The following RAD51C variants were observed in gnomAD, a reference collection of about 807,000 sequenced individuals.
RAD51C encodes DNA repair protein RAD51 homolog 3.
A neutral mutation model predicts 45.0 loss-of-function variants in RAD51C; 42 were observed. That is an observed-to-expected ratio of 0.93 (90% CI 0.73 to 1.21). The LOEUF (loss-of-function observed/expected upper bound fraction) is 1.21. Ranked by LOEUF, RAD51C falls within the 50% of genes most tolerant of loss-of-function variation. The probability of loss-of-function intolerance (pLI) is 0.00; values close to 1 mark genes in which losing one functional copy is unlikely to be tolerated. For synonymous variants in RAD51C, 172 were observed against 159.8 expected (o/e 1.08, Z -0.58); for missense variants, 474 against 452.2 (o/e 1.05, Z -0.44).
intron 7 of RAD51C, among the ~76,000 whole-genome samples, chr17:58,729,009 G>A (rs1303354164): frequency 6.6e-6 from 1 of 152,122 alleles, no homozygotes; most frequent in Non-Finnish European, 1.5e-5. Context: ...TTTCATATGT[G>A]TGCTCAGTTT....
At chr17:58,710,398 T>G (rs2048519539) in intron 5 of RAD51C, among the ~76,000 whole-genome samples, 1 of 146,658 alleles carries the variant, frequency 6.8e-6, no homozygotes, top group Non-Finnish European at 1.5e-5. Context: ...CTCGGGAGGC[T>G]GAGGTAGGAG....
rs878855181 is a variant in RAD51C at position 58,709,958 on chromosome 17, A to T, written c.805A>T (p.Met269Leu). Reference protein sequence around the residue: ...TRLLNGLAQQMISLANNHRLA... With the variant: ...TRLLNGLAQQLISLANNHRLA... ...GTTATTAAATGGCCTAGCCCAGCAA[A>T]TGATCAGCCTTGCAAATAATCACAG... The change falls in exon 5 of 9, where the codon ATG (methionine) becomes TTG (leucine). Residue 269 changes from methionine to leucine, a missense_variant. Transcript: ENST00000337432. The T allele has an allele frequency of 4.3e-6, 7 of 1,613,492 alleles. No individual in the cohort carries two copies. Among genetic ancestry groups the T allele is most frequent in the Non-Finnish European group, 5.9e-6 (7 of 1,179,442 alleles).
At chr17:58,697,295 T>C (rs1359469730) in intron 3 of RAD51C, among the ~76,000 whole-genome samples, 2 of 152,094 alleles carry the variant, frequency 1.3e-5, no homozygotes, top group Non-Finnish European at 2.9e-5. Context: ...CCCAGCCCTT[T>C]GGGAGGCCAA....
In RAD51C at chr17:58,734,950, TATAAA is replaced by T. The variant is rs781432988; in HGVS notation, c.*730_*734del. 1 of 152,328 alleles carries T rather than the reference TATAAA, an allele frequency of 6.6e-6. No homozygotes were observed. Among genetic ancestry groups the T allele is most frequent in the East Asian group, 1.9e-4 (1 of 5,186 alleles). The allele number at this position is 152,328 out of a possible 1,614,324, so 9.4% of individuals were successfully genotyped here. A position where few individuals can be genotyped will look rare whatever the true frequency, so the allele number is the denominator to read the frequency against. On this transcript the variant is annotated 3_prime_UTR_variant, in exon 9 of 9. Transcript: ENST00000337432. ...CTTTAAAATTACCCGCTTTTATAATTATAAAAGAGAAGCCAGCACCATGAGTCAGC... is the reference window on the plus strand; with the variant it reads ...CTTTAAAATTACCCGCTTTTATAATTAGAGAAGCCAGCACCATGAGTCAGC...
chr17:58,709,310 C>CTCGT (rs2048474604), intron 4 of RAD51C, among the ~76,000 whole-genome samples: 1 of 151,814 alleles, frequency 6.6e-6, no homozygotes, highest in Non-Finnish European at 1.5e-5. Context: ...AACTCCTGAC[C>CTCGT]TCGTGATCCA....
intron 2 of RAD51C, 90 bp from the exon 3 acceptor site, chr17:58,696,603 G>C: frequency 6.6e-7 from 1 of 1,506,862 alleles, no homozygotes; most frequent in South Asian, 1.1e-5. Flanking sequence ...TAAAACTTTA[G>C]TGATACCTAA....
At chr17:58,698,377 G>A (rs1490151451) in intron 3 of RAD51C, among the ~76,000 whole-genome samples, 1 of 151,356 alleles carries the variant, frequency 6.6e-6, no homozygotes, top group African/African-American at 2.4e-5. Context: ...GTAGAGACAG[G>A]GTTTCACTAT....
intron 2 of RAD51C, chr17:58,695,465 G>T: frequency 1.3e-6 from 1 of 785,204 alleles, no homozygotes; most frequent in South Asian, 3.2e-5. Context: ...TCATTCCTGA[G>T]ACTATATTTG....
Position 58,692,656 on chromosome 17 carries a change from A to G in RAD51C, c.13A>G (p.Thr5Ala), listed in dbSNP as rs1314517659. The change falls in exon 1 of 9, where the codon ACG becomes GCG. Residue 5 changes from threonine (T) to alanine (A), a missense_variant. Thr to Ala is a moderately conservative substitution (Grantham distance 58). Coordinates refer to ENST00000337432, the MANE Select transcript of RAD51C (RefSeq NM_058216.3). ...AGGTGAGCCTGCGATGCGCGGGAAG[A>G]CGTTCCGCTTTGAAATGCAGCGGGA... MRGK[T>A]FRFEMQRDLV... The G allele has an allele frequency of 6.2e-7, 1 of 1,614,196 alleles. No homozygotes were observed. The highest frequency in any genetic ancestry group is 8.5e-7 in the Non-Finnish European group (1 of 1,180,032).
intron 5 of RAD51C, among the ~76,000 whole-genome samples, chr17:58,712,013 C>T (rs932762619): frequency 6.6e-6 from 1 of 151,428 alleles, no homozygotes; most frequent in Non-Finnish European, 1.5e-5. Context: ...CCAGCCTGAA[C>T]AACAAAGCTT....
intron 2 of RAD51C, 135 bp from the exon 3 acceptor site, chr17:58,696,558 C>T: frequency 1.0e-6 from 1 of 992,812 alleles, no homozygotes. Flanking sequence ...AAGAGTTAGA[C>T]ATTTCTGTTG....
chr17:58,723,781 T>C (rs983036704), intron 6 of RAD51C, among the ~76,000 whole-genome samples: 2 of 151,998 alleles, frequency 1.3e-5, no homozygotes, highest in Non-Finnish European at 2.9e-5. Context: ...CTTGATGATA[T>C]GGAAAATTGA....
At chr17:58,731,265 T>G (rs534167643) in intron 7 of RAD51C, among the ~76,000 whole-genome samples, 26 of 152,004 alleles carry the variant, frequency 1.7e-4, no homozygotes, top group Admixed American at 3.3e-4. Flanking sequence ...GCAGTTTTTT[T>G]TTTTTTTTTT....
chr17:58,713,769 T>A (rs2048636843), intron 5 of RAD51C, among the ~76,000 whole-genome samples: 1 of 151,926 alleles, frequency 6.6e-6, no homozygotes, highest in Non-Finnish European at 1.5e-5. Flanking sequence ...GATCACACTG[T>A]TGCACTCCAG....
At chr17:58,724,197 T>C in intron 7 of RAD51C, 97 bp downstream of exon 7, 4 of 1,180,728 alleles carry the variant, frequency 3.4e-6, no homozygotes, top group Non-Finnish European at 5.0e-6. Context: ...GGATGAGATA[T>C]ACAGTGACCC....
intron 7 of RAD51C, among the ~76,000 whole-genome samples, chr17:58,731,103 G>A (rs2049401524): frequency 6.6e-6 from 1 of 152,124 alleles, no homozygotes; most frequent in African/African-American, 2.4e-5. Context: ...GTTGTAGCAT[G>A]TGTCAGAATT....
intron 3 of RAD51C, among the ~76,000 whole-genome samples, chr17:58,700,710 G>A (rs2048185292): frequency 6.6e-6 from 1 of 152,058 alleles, no homozygotes; most frequent in African/African-American, 2.4e-5. Context: ...AAAGCGCTGG[G>A]ATTACAGGCG....
Position 58,696,923 on chromosome 17 carries a change from C to A in RAD51C, c.571+64C>A, listed in dbSNP as rs181988623. 1,592 of 1,555,192 alleles carry A rather than the reference C, an allele frequency of 1.0e-3. 4 individuals are homozygous for A. The highest frequency in any genetic ancestry group is 1.2e-3 in the Middle Eastern group (7 of 5,814). On this transcript the variant is annotated intron_variant, in intron 3 of 8. Coordinates refer to ENST00000337432, the MANE Select transcript of RAD51C (RefSeq NM_058216.3). ...AAAAGTAATTTGCATTTGTGCCCAT[C>A]TGAGACCTCAGCAACACTCCATTTG...
In RAD51C at chr17:58,696,835, A is replaced by T; in HGVS notation, c.547A>T (p.Ile183Leu). 6.2e-7 allele frequency: 1 copy of T among 1,614,212 alleles called. No homozygotes were observed. The change falls in exon 3 of 9, where the codon ATA (isoleucine) becomes TTA (leucine). Residue 183 changes from isoleucine to leucine, a missense_variant. By Grantham distance (5) the Ile-to-Leu change is conservative. Coordinates refer to ENST00000337432, the MANE Select transcript of RAD51C (RefSeq NM_058216.3). ...ATACIQHLQL[I>L]AEKHKGEEHR... ...TGCCTGCATTCAGCACCTTCAGCTT[A>T]TAGCAGAAAAACACAAGGGAGAGGG...
Sources: allele counts gnomAD v4.1 joint callset (sites outside exome capture counted in the v4.1 genomes callset), GRCh38; gene constraint gnomAD v4.1.1; transcripts MANE v1.5; gene names NCBI Gene and HGNC (gene_info 2026-07-23, HGNC 2026-07-21).